The following ADAMTS3 variants were observed in gnomAD, a reference collection of about 807,000 sequenced individuals.
ADAMTS3 encodes ADAM metallopeptidase with thrombospondin type 1 motif 3.
A neutral mutation model predicts 129.0 loss-of-function variants in ADAMTS3; 73 were observed. The observed-to-expected ratio is 0.57, with a 90% confidence interval of 0.47 to 0.69. ADAMTS3 has a LOEUF of 0.69. ADAMTS3 is among the 30% of genes least tolerant of loss of function. The pLI is 0.00. For synonymous variants in ADAMTS3, 477 were observed against 510.8 expected (o/e 0.93, Z 0.89); for missense variants, 1,457 against 1,514.5 (o/e 0.96, Z 0.63).
chr4:72,314,480 TGCC>T (rs1328823830), intron 11 of ADAMTS3, among the ~76,000 whole-genome samples: 4 of 152,178 alleles, frequency 2.6e-5, no homozygotes, highest in Non-Finnish European at 5.9e-5. Context: ...TAGCTTACAG[TGCC>T]TGGCATGGTG....
At chr4:72,420,771 G>T (rs1008054808) in intron 3 of ADAMTS3, among the ~76,000 whole-genome samples, 1 of 152,184 alleles carries the variant, frequency 6.6e-6, no homozygotes, top group Non-Finnish European at 1.5e-5. Context: ...TTTGAAGTTG[G>T]ATGACTATGA....
chr4:72,371,454 TAAATA>T (rs1721002852), intron 4 of ADAMTS3, among the ~76,000 whole-genome samples: 1 of 150,600 alleles, frequency 6.6e-6, no homozygotes, highest in Admixed American at 6.6e-5. Flanking sequence ...AATAAATAAA[TAAATA>T]AATAAATAAA....
intron 3 of ADAMTS3, among the ~76,000 whole-genome samples, chr4:72,445,253 T>C (rs930842592): frequency 2.0e-5 from 3 of 151,732 alleles, no homozygotes; most frequent in African/African-American, 7.2e-5. Flanking sequence ...CACAGGGATC[T>C]ACTTTGTATA....
chr4:72,530,696 T>C (rs1285867018), intron 3 of ADAMTS3, among the ~76,000 whole-genome samples: 1 of 92,630 alleles, frequency 1.1e-5, no homozygotes, highest in African/African-American at 4.5e-5. Flanking sequence ...ATATATTGTA[T>C]CATATATTAT....
intron 3 of ADAMTS3, among the ~76,000 whole-genome samples, chr4:72,429,604 A>T (rs1019475924): frequency 2.0e-5 from 3 of 152,214 alleles, no homozygotes; most frequent in African/African-American, 7.2e-5. Flanking sequence ...AGTGACTGAT[A>T]ACTATTAAAG....
intron 3 of ADAMTS3, among the ~76,000 whole-genome samples, chr4:72,509,151 TAA>T (rs912211287): frequency 1.5e-4 from 23 of 151,842 alleles, no homozygotes; most frequent in African/African-American, 5.5e-4. Flanking sequence ...TTTATAGCTA[TAA>T]GTGTCTACAT....
chr4:72,367,849 CAAAA>C (rs35388186), intron 4 of ADAMTS3, among the ~76,000 whole-genome samples: 23 of 125,640 alleles, frequency 1.8e-4, no homozygotes, highest in South Asian at 2.7e-4. Context: ...GACTCTGTGT[CAAAA>C]AAAAAAAAAA....
At chr4:72,392,308 A>G (rs1721615792) in intron 4 of ADAMTS3, among the ~76,000 whole-genome samples, 1 of 152,174 alleles carries the variant, frequency 6.6e-6, no homozygotes, top group South Asian at 2.1e-4. Context: ...AGCATACATA[A>G]TTAATGATGG....
chr4:72,308,160 C>A (rs1719137302), intron 15 of ADAMTS3, among the ~76,000 whole-genome samples: 1 of 151,946 alleles, frequency 6.6e-6, no homozygotes, highest in Non-Finnish European at 1.5e-5. Context: ...TTTGACTCCA[C>A]TGAAATATAA....
At chr4:72,303,775 A>C in intron 17 of ADAMTS3, 142 bp downstream of exon 17, 1 of 772,388 alleles carries the variant, frequency 1.3e-6, no homozygotes, top group Non-Finnish European at 2.1e-6. Flanking sequence ...AGTGGGGGGA[A>C]AGATAAATGG....
chr4:72,412,614 T>G (rs908876740), intron 4 of ADAMTS3, among the ~76,000 whole-genome samples: 1 of 152,036 alleles, frequency 6.6e-6, no homozygotes, highest in African/African-American at 2.4e-5. Flanking sequence ...CACCCACAAC[T>G]TAATTCAATC....
In ADAMTS3 at chr4:72,417,931, T is replaced by TTAAAAAAAAAA. The variant is rs76545577; in HGVS notation, c.505-2961_505-2960insTTTTTTTTTTA. 3.6e-4 allele frequency among the ~76,000 whole-genome samples: 36 copies of TTAAAAAAAAAA among 100,678 alleles called. 7 individuals are homozygous for TTAAAAAAAAAA. Among genetic ancestry groups the TTAAAAAAAAAA allele is most frequent in the Non-Finnish European group, 5.0e-4 (26 of 51,888 alleles). The allele number at this position is 100,678 out of a possible 152,430, so 66.0% of individuals were successfully genotyped here. A position where few individuals can be genotyped will look rare whatever the true frequency, so the allele number is the denominator to read the frequency against. ...CTGGGCGACAGAGGGAGACTCCATC[T>TTAAAAAAAAAA]CAAAAAAAAAAAAGTAAGTACTTTA... On this transcript the variant is annotated intron_variant, in intron 3 of 21. Coordinates refer to ENST00000286657, the MANE Select transcript of ADAMTS3 (RefSeq NM_014243.3).
intron 3 of ADAMTS3, among the ~76,000 whole-genome samples, chr4:72,433,208 C>A (rs559565999): frequency 6.6e-6 from 1 of 151,950 alleles, no homozygotes; most frequent in Non-Finnish European, 1.5e-5. Context: ...CATTAAGATG[C>A]TAAATAAAGC....
intron 3 of ADAMTS3, among the ~76,000 whole-genome samples, chr4:72,465,095 C>T (rs916877613): frequency 2.0e-5 from 3 of 151,930 alleles, no homozygotes; most frequent in African/African-American, 7.2e-5. Context: ...AACACCATTG[C>T]TTAGTTAGTG....
At chr4:72,318,980 T>C (rs1396777282) in intron 9 of ADAMTS3, among the ~76,000 whole-genome samples, 1 of 152,150 alleles carries the variant, frequency 6.6e-6, no homozygotes, top group Non-Finnish European at 1.5e-5. Flanking sequence ...CATGGTGTGG[T>C]AGGGCACATC....
rs545984549 is a variant in ADAMTS3 at position 72,509,962 on chromosome 4, T to C, written c.504+38516A>G. ...TGGGATTCAAGGATGGTTCAACATA[T>C]GCAAATCAATCAGCGTGATACATCA... On this transcript the variant is annotated intron_variant, in intron 3 of 21. Transcript: ENST00000286657. 3.3e-4 allele frequency among the ~76,000 whole-genome samples: 50 copies of C among 151,918 alleles called. No individual in the cohort carries two copies. The South Asian group carries it at 7.3e-3, about 22-fold the overall frequency.
At chr4:72,498,763 C>T (rs1415177380) in intron 3 of ADAMTS3, among the ~76,000 whole-genome samples, 1 of 151,882 alleles carries the variant, frequency 6.6e-6, no homozygotes, top group Non-Finnish European at 1.5e-5. Context: ...TTCTCTTTAA[C>T]TTCCCCATAA....
At chr4:72,487,620 G>A (rs760147887) in intron 3 of ADAMTS3, among the ~76,000 whole-genome samples, 40 of 152,040 alleles carry the variant, frequency 2.6e-4, no homozygotes, top group Non-Finnish European at 4.0e-4. Context: ...TGACAAAAAC[G>A]CTTTCCATCT....
At chr4:72,364,276 T>G (rs1241509314) in intron 4 of ADAMTS3, among the ~76,000 whole-genome samples, 1 of 152,172 alleles carries the variant, frequency 6.6e-6, no homozygotes, top group Non-Finnish European at 1.5e-5. Context: ...AATATTTTTC[T>G]TTTTGTTTAC....
Sources: allele counts gnomAD v4.1 joint callset (sites outside exome capture counted in the v4.1 genomes callset), GRCh38; gene constraint gnomAD v4.1.1; transcripts MANE v1.5; gene names NCBI Gene and HGNC (gene_info 2026-07-23, HGNC 2026-07-21).